NDUFAF2: variants seen among roughly 807,000 people sequenced by gnomAD.
NDUFAF2 encodes the protein NADH:ubiquinone oxidoreductase complex assembly factor 2.
A neutral mutation model predicts 22.8 loss-of-function variants in NDUFAF2; 13 were observed. That is an observed-to-expected ratio of 0.57 (90% CI 0.37 to 0.91). NDUFAF2 has a LOEUF of 0.91. Among genes scored for constraint, NDUFAF2 ranks in the 40% least tolerant of loss-of-function variants. The pLI, the probability that NDUFAF2 is intolerant of heterozygous loss-of-function variation, is 0.01. For missense variants in NDUFAF2, 162 were observed against 195.2 expected (o/e 0.83, Z 1.01); for synonymous variants, 53 against 64.2 (o/e 0.83, Z 0.84).
chr5:60,970,486 T>C (rs1750812323), intron 1 of NDUFAF2, among the ~76,000 whole-genome samples: 1 of 152,152 alleles, frequency 6.6e-6, no homozygotes, highest in Admixed American at 6.5e-5. Flanking sequence ...TAGTTGTACT[T>C]ATTAATGGGA....
intron 1 of NDUFAF2, among the ~76,000 whole-genome samples, chr5:61,044,616 G>A (rs1751923747): frequency 6.6e-6 from 1 of 152,058 alleles, no homozygotes; most frequent in Non-Finnish European, 1.5e-5. Flanking sequence ...TGGCATCTTT[G>A]TGGAAAAGCA....
intron 3 of NDUFAF2, among the ~76,000 whole-genome samples, chr5:61,108,977 T>G (rs888347250): frequency 2.0e-5 from 3 of 152,208 alleles, no homozygotes; most frequent in African/African-American, 7.2e-5. Flanking sequence ...TTAGAATTTT[T>G]TTTCTATTTC....
intron 1 of NDUFAF2, among the ~76,000 whole-genome samples, chr5:61,064,736 C>G (rs894570684): frequency 6.6e-6 from 1 of 151,800 alleles, no homozygotes; most frequent in Non-Finnish European, 1.5e-5. Flanking sequence ...AAACGCATTT[C>G]TAAGAGGGAC....
At chr5:61,139,607 TTAA>T (rs1452841349) in intron 3 of NDUFAF2, among the ~76,000 whole-genome samples, 1 of 152,248 alleles carries the variant, frequency 6.6e-6, no homozygotes, top group East Asian at 1.9e-4. Context: ...CCTACCATGG[TTAA>T]TGGCATTATC....
At chr5:60,981,086 T>A (rs112211552) in intron 1 of NDUFAF2, among the ~76,000 whole-genome samples, 2,415 of 152,186 alleles carry the variant, frequency 0.016, 75 homozygotes, top group African/African-American at 0.055. Context: ...ACAATAAGGT[T>A]ATACAACAAC....
intron 1 of NDUFAF2, among the ~76,000 whole-genome samples, chr5:61,071,899 A>G (rs769284775): frequency 2.0e-5 from 3 of 152,256 alleles, no homozygotes; most frequent in East Asian, 3.8e-4. Context: ...TTTGAAAGAT[A>G]TAATGAAGAC....
intron 1 of NDUFAF2, among the ~76,000 whole-genome samples, chr5:60,957,499 CTTT>C (rs35202855): frequency 0.011 from 1,717 of 149,654 alleles, 31 homozygotes; most frequent in African/African-American, 0.039. Context: ...GATCTGTTTA[CTTT>C]TTTTTTTTTT....
chr5:61,123,908 T>C (rs1753005064), intron 3 of NDUFAF2, among the ~76,000 whole-genome samples: 1 of 152,170 alleles, frequency 6.6e-6, no homozygotes, highest in South Asian at 2.1e-4. Context: ...CTGACCCTGT[T>C]ATTTTAGGTA....
chr5:61,140,712 C>T (rs1741040050), intron 3 of NDUFAF2, among the ~76,000 whole-genome samples: 1 of 152,174 alleles, frequency 6.6e-6, no homozygotes, highest in African/African-American at 2.4e-5. Context: ...CCTAAATATC[C>T]TAACACTGCA....
chr5:61,125,129 TG>T (rs1408437609), intron 3 of NDUFAF2, among the ~76,000 whole-genome samples: 1 of 152,070 alleles, frequency 6.6e-6, no homozygotes, highest in Non-Finnish European at 1.5e-5. Flanking sequence ...ACATCAGATT[TG>T]CATGGGTACA....
intron 1 of NDUFAF2, among the ~76,000 whole-genome samples, chr5:61,066,378 TA>T (rs1276483049): frequency 6.6e-6 from 1 of 151,962 alleles, no homozygotes; most frequent in Admixed American, 6.6e-5. Flanking sequence ...TATAGAACCA[TA>T]AAAGGCCTCA....
chr5:61,037,089 G>A (rs1751809115), intron 1 of NDUFAF2, among the ~76,000 whole-genome samples: 2 of 152,068 alleles, frequency 1.3e-5, no homozygotes, highest in Admixed American at 6.6e-5. Context: ...TTTTCTTTCA[G>A]GGATCTTGCT....
chr5:60,964,391 T>G (rs939283088), intron 1 of NDUFAF2, among the ~76,000 whole-genome samples: 2 of 152,118 alleles, frequency 1.3e-5, no homozygotes, highest in Admixed American at 6.6e-5. Flanking sequence ...TATTACCTCA[T>G]AATTTTTTTT....
At chr5:60,996,567 A>G (rs1435902635) in intron 1 of NDUFAF2, among the ~76,000 whole-genome samples, 6 of 152,156 alleles carry the variant, frequency 3.9e-5, no homozygotes, top group Non-Finnish European at 8.8e-5. Context: ...GTGCCCTTCC[A>G]GTCCACTGTC....
At chr5:61,108,642 T>TGAGA (rs1381304511) in intron 3 of NDUFAF2, among the ~76,000 whole-genome samples, 1 of 152,004 alleles carries the variant, frequency 6.6e-6, no homozygotes, top group Non-Finnish European at 1.5e-5. Flanking sequence ...CTGTTTATGG[T>TGAGA]GAGAGATGGG....
chr5:61,072,355 T>G (rs1360700721), intron 1 of NDUFAF2, among the ~76,000 whole-genome samples: 1 of 152,184 alleles, frequency 6.6e-6, no homozygotes, highest in Non-Finnish European at 1.5e-5. Flanking sequence ...TTTGCCAGTG[T>G]ATTAGGGAGA....
chr5:60,952,197 A>C (rs765452590), intron 1 of NDUFAF2, among the ~76,000 whole-genome samples: 22 of 151,532 alleles, frequency 1.5e-4, no homozygotes, highest in Non-Finnish European at 2.8e-4. Context: ...AGTTTTTTCC[A>C]TTGGTTTCAG....
chr5:60,989,197 A>G (rs1751123395), intron 1 of NDUFAF2, among the ~76,000 whole-genome samples: 1 of 152,244 alleles, frequency 6.6e-6, no homozygotes. Flanking sequence ...AATGCAAATC[A>G]GAACCACAGC....
intron 1 of NDUFAF2, among the ~76,000 whole-genome samples, chr5:61,047,906 C>T (rs1432173308): frequency 1.3e-5 from 2 of 151,932 alleles, no homozygotes; most frequent in African/African-American, 4.8e-5. Flanking sequence ...GCCTTTCTAG[C>T]CATTTATCAA....
Sources: gnomAD v4.1 joint callset for allele counts (sites outside exome capture counted in the v4.1 genomes callset) on GRCh38, gnomAD v4.1.1 for gene constraint, MANE v1.5 for transcripts, NCBI Gene and HGNC (gene_info 2026-07-23, HGNC 2026-07-21) for gene names.